USF2: variants seen among roughly 807,000 people sequenced by gnomAD.
The protein encoded by USF2 is upstream stimulatory factor 2.
A neutral mutation model predicts 46.9 loss-of-function variants in USF2; 16 were observed. That is an observed-to-expected ratio of 0.34 (90% CI 0.23 to 0.52). The LOEUF is 0.52. USF2 is among the 20% of genes least tolerant of loss of function. USF2 has a pLI of 0.96. For missense variants in USF2, 411 were observed against 474.0 expected, an observed-to-expected ratio of 0.87 and a Z score of 1.23; for synonymous variants, 239 against 194.1, an observed-to-expected ratio of 1.23 and a Z score of -1.92.
chr19:35,279,264 C>T lies in USF2; in HGVS notation c.*8C>T. The T allele has an allele frequency of 1.3e-6, 2 of 1,510,288 alleles. No homozygotes were observed. The highest frequency in any genetic ancestry group is 8.9e-7 in the Non-Finnish European group (1 of 1,128,268). The allele number at this position is 1,510,288 out of a possible 1,614,324, so 93.6% of individuals were successfully genotyped here. On this transcript the variant is annotated 3_prime_UTR_variant, in exon 10 of 10. Transcript: ENST00000222305. ...GAGGGCACCCGGCAGTGACGCCCGC[C>T]ACCACCACGCAGCCGCCGCCGCCCA...
In USF2 at chr19:35,269,611, C is replaced by T. The variant is rs1436394439; in HGVS notation, c.140C>T (p.Thr47Ile). 1.3e-6 allele frequency: 2 copies of T among 1,596,634 alleles called. No individual in the cohort carries two copies. The highest frequency in any genetic ancestry group is 1.7e-5 in the Admixed American group (1 of 58,888). The change falls in exon 3 of 10, where the codon ACA (threonine) becomes ATA (isoleucine). Residue 47 changes from threonine to isoleucine, a missense_variant. Physicochemically the swap from Thr to Ile is moderately conservative, Grantham distance 89. Transcript: ENST00000222305. ...GACGGCCCAGGAGCGGAGGAGCAGA[C>T]AGCGGTGGCCATCACCAGCGTCCAG... ...GGDGPGAEEQ[T>I]AVAITSVQQA...
rs79697465 is a variant in USF2, at chr19:35,273,556, C to T, written c.727+2415C>T. On this transcript the variant is annotated intron_variant, in intron 7 of 9. Coordinates refer to ENST00000222305, the MANE Select transcript of USF2 (RefSeq NM_003367.4). The stretch of plus-strand genomic sequence containing the variant: ...CAAGCTTGAGAAACTGCTTTGGCTG[C>T]GAGTGTTTCTTTTTTTTTGAGAAGG... Among the ~76,000 whole-genome samples, 1,367 of 152,148 alleles carry T rather than the reference C, an allele frequency of 9.0e-3. 21 individuals carry two copies. The highest frequency in any genetic ancestry group is 0.032 in the African/African-American group (1,317 of 41,506).
chr19:35,276,343 G>A (rs567387116), intron 7 of USF2, among the ~76,000 whole-genome samples: 6 of 152,134 alleles, frequency 3.9e-5, no homozygotes, highest in Non-Finnish European at 5.9e-5. Context: ...GATTACAGGC[G>A]TGAGCCACCC....
chr19:35,269,670 C>G lies in USF2; in HGVS notation c.199C>G (p.Gln67Glu), dbSNP rs981896212. ...AAFGDHNIQYQFRTETNGGQV... is the reference protein window; with the variant it reads ...AAFGDHNIQYEFRTETNGGQV... ...GTTCGGCGACCACAACATCCAGTAC[C>G]AGTTCCGCACAGAGACAAATGGAGG... Residue 67 changes from glutamine to glutamate, a missense_variant, in exon 3 of 10, where the codon CAG becomes GAG. Around this residue, in one of 2 missense-constraint regions of USF2, gnomAD observed 318 missense variants for 322.4 expected, o/e 0.99. Transcript: ENST00000222305. 3.8e-6 allele frequency: 6 copies of G among 1,577,832 alleles called. No homozygotes were observed. Among genetic ancestry groups the G allele is most frequent in the Non-Finnish European group, 5.1e-6 (6 of 1,165,746 alleles).
At chr19:35,270,657 G>T in intron 5 of USF2, 60 bp downstream of exon 5, 2 of 1,609,942 alleles carry the variant, frequency 1.2e-6, no homozygotes, top group Non-Finnish European at 8.5e-7. Context: ...AGGGAGGGAA[G>T]CCCCCCCAGC....
chr19:35,270,500 C>G lies in USF2; in HGVS notation c.483C>G (p.Val161=). The change falls in exon 5 of 10, where the codon GTC becomes GTG. Residue 161 remains valine, a synonymous_variant. Transcript: ENST00000222305. Reference sequence around the variant, plus strand: ...GTGGCAGTCCGGCGGCCGAGGCTGTCAGCGGGGAGGCACGATTTGCCTATT... The same window carrying G: ...GTGGCAGTCCGGCGGCCGAGGCTGTGAGCGGGGAGGCACGATTTGCCTATT... ...SNGGSPAAEA[V]SGEARFAYFP... 6.2e-7 allele frequency: 1 copy of G among 1,614,130 alleles called. No homozygotes were observed. The highest frequency in any genetic ancestry group is 8.5e-7 in the Non-Finnish European group (1 of 1,180,008).
intron 7 of USF2, among the ~76,000 whole-genome samples, chr19:35,274,790 C>G (rs1204760716): frequency 6.6e-6 from 1 of 152,174 alleles, no homozygotes; most frequent in African/African-American, 2.4e-5. Context: ...AGACCCAGAC[C>G]TTGTGTCAGA....
At chr19:35,276,861 A>G (rs2066241024) in intron 7 of USF2, 1 of 152,282 alleles carries the variant, frequency 6.6e-6, no homozygotes, top group Admixed American at 6.5e-5. Flanking sequence ...TGGTGCTGCG[A>G]GTGCCCATGG....
chr19:35,270,528 C>T lies in USF2; in HGVS notation c.511C>T (p.Pro171Ser), dbSNP rs143950345. The change falls in exon 5 of 10, where the codon CCA becomes TCA. Residue 171 changes from proline to serine, a missense_variant. Coordinates refer to ENST00000222305, the MANE Select transcript of USF2 (RefSeq NM_003367.4). ...CGGGGAGGCACGATTTGCCTATTTC[C>T]CAGCGTCCAGTGTGGGAGATACTAC... ...VSGEARFAYF[P>S]ASSVGDTTAV... is the part of the protein sequence containing the mutation. 1.2e-4 allele frequency: 191 copies of T among 1,614,168 alleles called. No homozygotes were observed. Among genetic ancestry groups the T allele is most frequent in the South Asian group, 8.6e-4 (78 of 91,082 alleles).
At position 35,276,708 on chromosome 19, in the gene USF2, G is replaced by A. The variant is rs1029444492; in HGVS notation, c.728-1990G>A. Among the ~76,000 whole-genome samples the A allele has an allele frequency of 4.1e-4, 63 of 152,298 alleles. No individual in the cohort carries two copies. In the Middle Eastern group the frequency reaches 0.017, roughly 41 times the overall value. ...GAGTCTTTCTCTCAGAAACCAGCCC[G>A]AATGTTTCCTGGATCTCTGAGGATT... On this transcript the variant is annotated intron_variant, in intron 7 of 9. Coordinates refer to ENST00000222305, the MANE Select transcript of USF2 (RefSeq NM_003367.4).
intron 7 of USF2, among the ~76,000 whole-genome samples, chr19:35,272,002 C>T (rs1052338527): frequency 6.6e-6 from 1 of 152,098 alleles, no homozygotes; most frequent in African/African-American, 2.4e-5. Context: ...ATTTAGAATG[C>T]CTCAGGAGGG....
chr19:35,270,407 A>C, intron 4 of USF2, 40 bp from the exon 5 acceptor site: 1 of 1,591,188 alleles, frequency 6.3e-7, no homozygotes, highest in South Asian at 1.1e-5. Context: ...ATGGAGGAAC[A>C]GAGAAAGCTA....
chr19:35,272,010 G>C (rs759083113), intron 7 of USF2, among the ~76,000 whole-genome samples: 2 of 152,170 alleles, frequency 1.3e-5, no homozygotes, highest in East Asian at 1.9e-4. Flanking sequence ...TGCCTCAGGA[G>C]GGAAGATCGG....
At chr19:35,273,216 A>G (rs2066183169) in intron 7 of USF2, among the ~76,000 whole-genome samples, 1 of 152,140 alleles carries the variant, frequency 6.6e-6, no homozygotes, top group Non-Finnish European at 1.5e-5. Flanking sequence ...TCATCCTCCC[A>G]GTACCCTCAG....
intron 3 of USF2, 25 bp downstream of exon 3, chr19:35,269,724 A>ACGGGCGGG (rs748712087): frequency 3.0e-4 from 51 of 171,808 alleles, no homozygotes; most frequent in Non-Finnish European, 4.3e-4. Flanking sequence ...GCGAGGGCGA[A>ACGGGCGGG]CGGGCGGGCG....
chr19:35,278,477 G>C lies in USF2; in HGVS notation c.728-221G>C. 9.6e-6 allele frequency: 5 copies of C among 522,706 alleles called. No individual in the cohort carries two copies. In the South Asian group the frequency reaches 1.3e-4, roughly 14 times the overall value. 32.4% of individuals were successfully genotyped at this position (522,706 alleles called of 1,614,324 possible). A position where few individuals can be genotyped will look rare whatever the true frequency, so the allele number is the denominator to read the frequency against. On this transcript the variant is annotated intron_variant, in intron 7 of 9. Coordinates refer to ENST00000222305, the MANE Select transcript of USF2 (RefSeq NM_003367.4). The stretch of plus-strand genomic sequence containing the variant: ...CTGGCCTTTGATGCCCGTCCTAAAA[G>C]CATGTGTGGCACTGGAGGGCCCACG...
chr19:35,278,596 C>A (rs1348697044), intron 7 of USF2, 102 bp from the exon 8 acceptor site: 2 of 1,211,362 alleles, frequency 1.7e-6, no homozygotes, highest in Non-Finnish European at 2.4e-6. Flanking sequence ...GTGGGGCCTG[C>A]ACTGTTCCTG....
intron 7 of USF2, among the ~76,000 whole-genome samples, chr19:35,273,590 C>T (rs1370048376): frequency 6.6e-6 from 1 of 152,170 alleles, no homozygotes; most frequent in Non-Finnish European, 1.5e-5. Flanking sequence ...GGGGGTCTCA[C>T]TCTGTCACCC....
Position 35,269,570 on chromosome 19 carries a change from C to A in USF2, c.110-11C>A. On this transcript the variant is annotated splice_polypyrimidine_tract_variant and intron_variant, in intron 2 of 9. Coordinates refer to ENST00000222305, the MANE Select transcript of USF2 (RefSeq NM_003367.4). ...CGGCCCTGACCGTGCCCCGACCCTCCTCGGCCCCAGGCGGGGACGGCCCAG... is the reference window on the plus strand; with the variant it reads ...CGGCCCTGACCGTGCCCCGACCCTCATCGGCCCCAGGCGGGGACGGCCCAG... 1.3e-6 allele frequency: 2 copies of A among 1,575,938 alleles called. No homozygotes were observed. The highest frequency in any genetic ancestry group is 8.6e-7 in the Non-Finnish European group (1 of 1,162,774).
Sources: allele counts gnomAD v4.1 joint callset (sites outside exome capture counted in the v4.1 genomes callset), GRCh38; gene constraint gnomAD v4.1.1; regional missense constraint gnomAD v4.1.1; transcripts MANE v1.5; gene names NCBI Gene and HGNC (gene_info 2026-07-23, HGNC 2026-07-21).